COPZ1: variants seen among roughly 807,000 people sequenced by gnomAD.
COPZ1 encodes the protein coatomer subunit zeta-1.
A neutral mutation model predicts 31.7 loss-of-function variants in COPZ1; 4 were observed. The ratio of observed to expected loss-of-function variants is 0.13; its 90% CI spans 0.06 to 0.29. The LOEUF (loss-of-function observed/expected upper bound fraction) is 0.29. Ranked by LOEUF, COPZ1 falls within the 10% of genes least tolerant of loss-of-function variation. The pLI, the probability that COPZ1 is intolerant of heterozygous loss-of-function variation, is 1.00. For missense variants in COPZ1, 156 were observed against 211.5 expected (o/e 0.74, Z 1.63); for synonymous variants, 74 against 79.0 (o/e 0.94, Z 0.33).
At chr12:54,333,899 T>G (rs1037906154) in intron 1 of COPZ1, among the ~76,000 whole-genome samples, 1 of 152,178 alleles carries the variant, frequency 6.6e-6, no homozygotes, top group African/African-American at 2.4e-5. Flanking sequence ...GCTCCCACTC[T>G]TTCCTGAGCT....
chr12:54,345,228 C>T, intron 4 of COPZ1: 1 of 491,916 alleles, frequency 2.0e-6, no homozygotes. Flanking sequence ...CAGGGAAGTT[C>T]TGTTTAAACT....
rs550533232 is a variant in COPZ1 at position 54,350,981 on chromosome 12, G to A, written c.*458G>A. 8.1e-5 allele frequency: 15 copies of A among 186,032 alleles called. No individual in the cohort carries two copies. In the East Asian group the frequency reaches 1.1e-3, roughly 14 times the overall value. 11.5% of individuals were successfully genotyped at this position (186,032 alleles called of 1,614,324 possible). ...TCTTTTCTATAGAACGAGTGGGGGC[G>A]GGGATGGGTAGGGATTTATCCAATC... On this transcript the variant is annotated 3_prime_UTR_variant, in exon 9 of 9. Transcript: ENST00000262061.
At position 54,350,774 on chromosome 12, in the gene COPZ1, T is replaced by A. The variant is rs1026635213; in HGVS notation, c.*251T>A. ...AATAGGGCAGGGGAAGCACCCTCTT[T>A]CTTTCTAGACTGGATTATGCTCACA... On this transcript the variant is annotated 3_prime_UTR_variant, in exon 9 of 9. Coordinates refer to ENST00000262061, the MANE Select transcript of COPZ1 (RefSeq NM_016057.3). The A allele has an allele frequency of 7.1e-6, 4 of 561,920 alleles. No homozygotes were observed. The African/African-American group carries it at 7.5e-5, about 11-fold the overall frequency. The allele number at this position is 561,920 out of a possible 1,614,324, so 34.8% of individuals were successfully genotyped here. A position where few individuals can be genotyped will look rare whatever the true frequency, so the allele number is the denominator to read the frequency against.
intron 1 of COPZ1, among the ~76,000 whole-genome samples, chr12:54,331,162 A>G (rs972653527): frequency 1.3e-5 from 1 of 76,586 alleles, no homozygotes; most frequent in Non-Finnish European, 2.9e-5. Context: ...TTGGCTTTTT[A>G]TTTTCACACT....
At chr12:54,349,133 C>G (rs890141974) in intron 7 of COPZ1, among the ~76,000 whole-genome samples, 1 of 151,774 alleles carries the variant, frequency 6.6e-6, no homozygotes, top group Non-Finnish European at 1.5e-5. Flanking sequence ...GGGTCCCCCC[C>G]ATCAACTCCC....
chr12:54,325,956 C>T (rs1953626949), intron 1 of COPZ1, among the ~76,000 whole-genome samples: 1 of 151,094 alleles, frequency 6.6e-6, no homozygotes, highest in Non-Finnish European at 1.5e-5. Context: ...GTAGTTGGGA[C>T]TATAGGCGCG....
At chr12:54,342,059 A>G (rs1953980658) in intron 2 of COPZ1, 147 bp from the exon 3 acceptor site, 5 of 628,860 alleles carry the variant, frequency 8.0e-6, no homozygotes, top group Middle Eastern at 2.5e-4. Flanking sequence ...CTCTGCCTCT[A>G]CAATCCTTCC....
chr12:54,333,103 C>T (rs1316935402), intron 1 of COPZ1, among the ~76,000 whole-genome samples: 4 of 152,000 alleles, frequency 2.6e-5, no homozygotes, highest in East Asian at 3.9e-4. Context: ...TGCAGTGGTG[C>T]GATGATCTTG....
chr12:54,345,786 T>C (rs1221129340), intron 5 of COPZ1, among the ~76,000 whole-genome samples: 1 of 151,738 alleles, frequency 6.6e-6, no homozygotes, highest in Non-Finnish European at 1.5e-5. Flanking sequence ...GGAAACCCTG[T>C]CTCCACTAAA....
intron 2 of COPZ1, 39 bp from the exon 3 acceptor site, chr12:54,342,167 C>A: frequency 6.9e-7 from 1 of 1,458,904 alleles, no homozygotes; most frequent in Non-Finnish European, 9.6e-7. Context: ...TGGCTTCCAG[C>A]TCTAGTGACC....
intron 1 of COPZ1, among the ~76,000 whole-genome samples, chr12:54,332,540 C>G (rs1307253811): frequency 6.6e-6 from 1 of 151,970 alleles, no homozygotes; most frequent in African/African-American, 2.4e-5. Flanking sequence ...AGTTCGAGAC[C>G]AGCCTTACCA....
chr12:54,326,124 AATT>A lies in COPZ1; in HGVS notation c.18+971_18+973del, dbSNP rs377508362. On this transcript the variant is annotated intron_variant, in intron 1 of 8. Coordinates refer to ENST00000262061, the MANE Select transcript of COPZ1 (RefSeq NM_016057.3). ...GCTTGAACCACCGCGCCTGGCCAGG[AATT>A]ATTATTATTATTATTATTATTATTA... is the stretch of plus-strand genomic sequence containing the variant. Among the ~76,000 whole-genome samples the A allele has an allele frequency of 1.8e-3, 246 of 139,134 alleles. 1 individual carries two copies. The highest frequency in any genetic ancestry group is 5.7e-3 in the African/African-American group (213 of 37,676). The allele number at this position is 139,134 out of a possible 152,430, so 91.3% of individuals were successfully genotyped here.
intron 5 of COPZ1, among the ~76,000 whole-genome samples, chr12:54,346,839 T>C (rs184745035): frequency 2.0e-4 from 30 of 152,072 alleles, no homozygotes; most frequent in Admixed American, 1.9e-3. Flanking sequence ...CTAGGTGACA[T>C]AGCAAGACCC....
intron 8 of COPZ1, chr12:54,349,876 C>T (rs1954119184): frequency 1.6e-6 from 1 of 632,110 alleles, no homozygotes; most frequent in Non-Finnish European, 2.9e-6. Context: ...TGGCTGTCAG[C>T]CTTGCTCTGT....
chr12:54,329,066 C>T (rs1209363021), intron 1 of COPZ1, among the ~76,000 whole-genome samples: 1 of 152,154 alleles, frequency 6.6e-6, no homozygotes, highest in Non-Finnish European at 1.5e-5. Flanking sequence ...CTCAGGTCTC[C>T]TTAGGCTCTA....
At chr12:54,337,019 CAAA>C (rs1182592654) in intron 1 of COPZ1, among the ~76,000 whole-genome samples, 4 of 61,644 alleles carry the variant, frequency 6.5e-5, no homozygotes, top group African/African-American at 2.4e-4. Context: ...GAGACTGTCG[CAAA>C]AAAAAAAAAA....
At chr12:54,331,467 C>T (rs935350350) in intron 1 of COPZ1, among the ~76,000 whole-genome samples, 1 of 152,172 alleles carries the variant, frequency 6.6e-6, no homozygotes, top group African/African-American at 2.4e-5. Context: ...GTGTGAGCCA[C>T]TGCGCCCGGC....
At chr12:54,330,533 A>G (rs184889522) in intron 1 of COPZ1, among the ~76,000 whole-genome samples, 18 of 152,234 alleles carry the variant, frequency 1.2e-4, no homozygotes, top group Admixed American at 6.5e-4. Context: ...AATTATATCA[A>G]AGATCTAGGG....
intron 1 of COPZ1, among the ~76,000 whole-genome samples, chr12:54,335,554 G>A (rs1469486200): frequency 1.3e-5 from 2 of 151,944 alleles, no homozygotes; most frequent in Non-Finnish European, 2.9e-5. Context: ...GATTACAGGC[G>A]TCTGCTACCA....
Sources: gnomAD v4.1 joint callset for allele counts (sites outside exome capture counted in the v4.1 genomes callset) on GRCh38, gnomAD v4.1.1 for gene constraint, MANE v1.5 for transcripts, NCBI Gene and HGNC (gene_info 2026-07-23, HGNC 2026-07-21) for gene names.